FOXP2: variants seen among roughly 807,000 people sequenced by gnomAD.
The protein encoded by FOXP2 is forkhead box protein P2.
FOXP2 carries 12 observed loss-of-function variants against 115.8 expected under a neutral mutation model. That is an observed-to-expected ratio of 0.10 (90% CI 0.07 to 0.17). FOXP2 has a LOEUF of 0.17. Among genes scored for constraint, FOXP2 ranks in the 10% least tolerant of loss-of-function variants. FOXP2 has a pLI of 1.00. For synonymous variants in FOXP2, 328 were observed against 297.7 expected (o/e 1.10, Z -1.05); for missense variants, 629 against 843.5 (o/e 0.75, Z 3.15).
In FOXP2 at chr7:114,689,994, G is replaced by A; in HGVS notation, c.*68G>A. ...ACCTTCATAACCACTCCACAACCAT[G>A]AATATTTGACAAATTTTTACTGTGA... On this transcript the variant is annotated 3_prime_UTR_variant, in exon 17 of 17. Transcript: ENST00000350908. 2 of 1,588,526 alleles carry A rather than the reference G, an allele frequency of 1.3e-6. No individual in the cohort carries two copies. The highest frequency in any genetic ancestry group is 1.7e-6 in the Non-Finnish European group (2 of 1,162,588).
rs541900391 is a variant in FOXP2 at position 114,103,208 on chromosome 7, C to T, written c.-247+15370C>T. Among the ~76,000 whole-genome samples the T allele has an allele frequency of 8.5e-5, 13 of 152,066 alleles. No homozygotes were observed. The East Asian group carries it at 2.5e-3, about 30-fold the overall frequency. On this transcript the variant is annotated intron_variant, in intron 1 of 19. Coordinates refer to the FOXP2 transcript ENST00000635638. The stretch of plus-strand genomic sequence containing the variant: ...GCTTTGTCACAATCCAGAGGTATTT[C>T]TGTGTTATTTGTTAAGTCAGGACAT...
intron 1 of FOXP2, among the ~76,000 whole-genome samples, chr7:114,155,887 G>A (rs1792653734): frequency 6.6e-6 from 1 of 152,122 alleles, no homozygotes; most frequent in Admixed American, 6.5e-5. Flanking sequence ...AGTTTTGTAT[G>A]TCAGCATGTT....
At chr7:114,611,738 T>C (rs781509897) in intron 3 of FOXP2, among the ~76,000 whole-genome samples, 15 of 152,186 alleles carry the variant, frequency 9.9e-5, no homozygotes, top group African/African-American at 3.1e-4. Context: ...AAAACATATA[T>C]ACTGACAGCA....
At chr7:114,526,112 C>G (rs1278576851) in intron 2 of FOXP2, among the ~76,000 whole-genome samples, 1 of 115,444 alleles carries the variant, frequency 8.7e-6, no homozygotes, top group African/African-American at 3.3e-5. Context: ...AATTTCGTCT[C>G]AAAAACAAAC....
intron 2 of FOXP2, among the ~76,000 whole-genome samples, chr7:114,292,241 T>C (rs1387330856): frequency 6.6e-6 from 1 of 151,870 alleles, no homozygotes; most frequent in African/African-American, 2.4e-5. Flanking sequence ...TGCCAAAGCA[T>C]GTTAAACTTA....
At chr7:114,597,589 G>C (rs1802797341) in intron 3 of FOXP2, among the ~76,000 whole-genome samples, 2 of 152,174 alleles carry the variant, frequency 1.3e-5, no homozygotes, top group South Asian at 4.1e-4. Flanking sequence ...ATCCAGGCTG[G>C]GTGACTAGAC....
At chr7:114,298,734 C>T (rs948900520) in intron 2 of FOXP2, among the ~76,000 whole-genome samples, 1 of 152,170 alleles carries the variant, frequency 6.6e-6, no homozygotes, top group Non-Finnish European at 1.5e-5. Flanking sequence ...AACTTCTCTT[C>T]TCATGTGGTT....
At chr7:114,182,701 T>A (rs1185541408) in intron 1 of FOXP2, among the ~76,000 whole-genome samples, 1 of 151,942 alleles carries the variant, frequency 6.6e-6, no homozygotes, top group Non-Finnish European at 1.5e-5. Flanking sequence ...CTTGAATACG[T>A]CTATAGAAAT....
intron 2 of FOXP2, among the ~76,000 whole-genome samples, chr7:114,402,594 G>A (rs548130580): frequency 2.6e-5 from 4 of 151,732 alleles, no homozygotes; most frequent in Non-Finnish European, 5.9e-5. Context: ...TTGTTAAATG[G>A]CACCCCTGCA....
At chr7:114,389,235 G>T (rs1792528341) in intron 2 of FOXP2, among the ~76,000 whole-genome samples, 1 of 152,138 alleles carries the variant, frequency 6.6e-6, no homozygotes, top group African/African-American at 2.4e-5. Flanking sequence ...TAATTTTATA[G>T]CATACCAAGA....
chr7:114,117,779 A>G (rs751637462), intron 1 of FOXP2, among the ~76,000 whole-genome samples: 3 of 152,072 alleles, frequency 2.0e-5, no homozygotes, highest in Non-Finnish European at 4.4e-5. Flanking sequence ...ACAAAAATGT[A>G]TTTCTCTTAG....
At chr7:114,679,980 C>G (rs1005451470) in intron 16 of FOXP2, among the ~76,000 whole-genome samples, 6 of 152,134 alleles carry the variant, frequency 3.9e-5, no homozygotes, top group Non-Finnish European at 7.4e-5. Context: ...CACACAATGT[C>G]TATTGACTGG....
chr7:114,198,525 A>T (rs1177376905), intron 1 of FOXP2, among the ~76,000 whole-genome samples: 60 of 152,292 alleles, frequency 3.9e-4, no homozygotes, highest in Non-Finnish European at 5.9e-5. Context: ...TGCAACCTAG[A>T]TTCCTCTCAT....
intron 2 of FOXP2, among the ~76,000 whole-genome samples, chr7:114,349,770 G>A (rs180684996): frequency 3.0e-4 from 46 of 152,146 alleles, no homozygotes; most frequent in Middle Eastern, 3.4e-3. Context: ...ATAATTTATG[G>A]AGATGCATAC....
At position 114,673,099 on chromosome 7, in the gene FOXP2, A is replaced by C. The variant is rs192215494; in HGVS notation, c.2003+8663A>C. On this transcript the variant is annotated intron_variant, in intron 16 of 16. Coordinates refer to ENST00000350908, the MANE Select transcript of FOXP2 (RefSeq NM_014491.4). ...AACTTGGTCCAACAAACAAGGCAATAATACAATTTTTGGATTAATGATTCA... is the reference window on the plus strand; with the variant it reads ...AACTTGGTCCAACAAACAAGGCAATCATACAATTTTTGGATTAATGATTCA... Among the ~76,000 whole-genome samples the C allele has an allele frequency of 2.6e-4, 40 of 152,328 alleles. No individual in the cohort carries two copies. The East Asian group carries it at 6.9e-3, about 26-fold the overall frequency.
At chr7:114,583,772 G>A (rs895879268) in intron 3 of FOXP2, among the ~76,000 whole-genome samples, 8 of 152,118 alleles carry the variant, frequency 5.3e-5, no homozygotes, top group African/African-American at 1.7e-4. Flanking sequence ...TGTGACTTCT[G>A]AGCAAATAGT....
intron 3 of FOXP2, among the ~76,000 whole-genome samples, chr7:114,605,588 A>T (rs1803273307): frequency 6.6e-6 from 1 of 152,328 alleles, no homozygotes; most frequent in African/African-American, 2.4e-5. Context: ...TGCCCTGTGG[A>T]TCACTGCATA....
intron 10 of FOXP2, among the ~76,000 whole-genome samples, chr7:114,657,511 A>G (rs967096997): frequency 6.6e-6 from 1 of 152,204 alleles, no homozygotes; most frequent in Non-Finnish European, 1.5e-5. Context: ...TTTGCAATTA[A>G]GACAATTTTG....
At chr7:114,122,765 G>T (rs920567902) in intron 1 of FOXP2, among the ~76,000 whole-genome samples, 5 of 152,050 alleles carry the variant, frequency 3.3e-5, no homozygotes, top group Non-Finnish European at 7.4e-5. Flanking sequence ...GTAGATCTAA[G>T]ACCTTTTGTA....
Sources: allele counts gnomAD v4.1 joint callset (sites outside exome capture counted in the v4.1 genomes callset), GRCh38; gene constraint gnomAD v4.1.1; transcripts MANE v1.5; gene names NCBI Gene and HGNC (gene_info 2026-07-23, HGNC 2026-07-21).